Variants in PIEZO2 observed in about 807,000 individuals in gnomAD.
PIEZO2 encodes piezo-type mechanosensitive ion channel component 2.
A neutral mutation model predicts 337.3 loss-of-function variants in PIEZO2; 172 were observed. The observed-to-expected ratio is 0.51, with a 90% CI of 0.45 to 0.58. The LOEUF (loss-of-function observed/expected upper bound fraction) is 0.58. PIEZO2 is among the 20% of genes least tolerant of loss of function. The probability of loss-of-function intolerance (pLI) is 0.00; values close to 1 mark genes in which losing one functional copy is unlikely to be tolerated. For missense variants in PIEZO2, 3,028 were observed against 3,391.3 expected, an observed-to-expected ratio of 0.89 and a Z score of 2.66; for synonymous variants, 1,251 against 1,228.5, an observed-to-expected ratio of 1.02 and a Z score of -0.38.
In PIEZO2 at chr18:11,102,957, G is replaced by A. The variant is rs917095839; in HGVS notation, c.65-36735C>T. On this transcript the variant is annotated intron_variant, in intron 1 of 55. Transcript: ENST00000674853. The surrounding 1 kb of genome is among the most constrained non-coding windows in gnomAD (Gnocchi z 5.7). ...AAATCCCAGGGAAGGACTCTCACTG[G>A]TCTTCTGTGGGTCAGGTGTCTCCCC... Among the ~76,000 whole-genome samples the A allele has an allele frequency of 2.6e-5, 4 of 152,140 alleles. No homozygotes were observed. The highest frequency in any genetic ancestry group is 5.9e-5 in the Non-Finnish European group (4 of 68,040).
chr18:11,017,533 G>A (rs898500770), intron 2 of PIEZO2, among the ~76,000 whole-genome samples: 1 of 148,540 alleles, frequency 6.7e-6, no homozygotes, highest in Admixed American at 6.7e-5. Flanking sequence ...CATAATATGT[G>A]CAGGTAATAT....
At chr18:10,755,788 C>T (rs2037813410) in intron 27 of PIEZO2, among the ~76,000 whole-genome samples, 1 of 151,994 alleles carries the variant, frequency 6.6e-6, no homozygotes, top group South Asian at 2.1e-4. Flanking sequence ...CACCCCTCCT[C>T]AGTGCCCAGT....
At chr18:10,851,155 C>CT (rs10592305) in intron 7 of PIEZO2, among the ~76,000 whole-genome samples, 4,990 of 127,852 alleles carry the variant, frequency 0.039, 118 homozygotes, top group East Asian at 0.097. Flanking sequence ...TTTCTTTTAT[C>CT]TTTTTTTTTT....
chr18:11,059,636 A>C (rs1298290487), intron 2 of PIEZO2, among the ~76,000 whole-genome samples: 6 of 152,210 alleles, frequency 3.9e-5, no homozygotes, highest in Non-Finnish European at 8.8e-5. Flanking sequence ...ACTTTAAACC[A>C]ACAAAGATCA....
intron 2 of PIEZO2, among the ~76,000 whole-genome samples, chr18:10,998,036 G>C (rs1159987433): frequency 6.6e-6 from 1 of 152,100 alleles, no homozygotes; most frequent in East Asian, 1.9e-4. Flanking sequence ...ATTATGTGTA[G>C]GGAGAAAACA....
At position 10,781,148 on chromosome 18, in the gene PIEZO2, C is replaced by T. The variant is rs370470579; in HGVS notation, c.2493-782G>A. Among the ~76,000 whole-genome samples the T allele has an allele frequency of 1.3e-5, 2 of 151,758 alleles. No homozygotes were observed. The highest frequency in any genetic ancestry group is 1.5e-5 in the Non-Finnish European group (1 of 67,968). On this transcript the variant is annotated intron_variant, in intron 17 of 55. Transcript: ENST00000674853. This position sits in a 1 kb window ranked among gnomAD's most constrained non-coding sequence, Gnocchi z 4.1. ...CTATGCATAATAATACTTTCTAAAA[C>T]AAACCTGCATAAATTAAAGAGCTAT...
intron 1 of PIEZO2, among the ~76,000 whole-genome samples, chr18:11,147,867 T>C (rs1356380869): frequency 6.6e-6 from 1 of 152,262 alleles, no homozygotes; most frequent in Non-Finnish European, 1.5e-5. Flanking sequence ...CCCTGCTTTC[T>C]AACCCTTTAA....
At chr18:11,061,542 G>A (rs1598900373) in intron 2 of PIEZO2, among the ~76,000 whole-genome samples, 1 of 152,286 alleles carries the variant, frequency 6.6e-6, no homozygotes, top group South Asian at 2.1e-4. Flanking sequence ...TAAGCTGATA[G>A]GCAACTTCAG....
rs1276194379 is a variant in PIEZO2 at position 10,736,663 on chromosome 18, C to T, written c.4756G>A (p.Glu1586Lys). The change falls in exon 34 of 56, where the codon GAG becomes AAG. Residue 1586 changes from glutamate to lysine, a missense_variant. By Grantham distance (56) the Glu-to-Lys change is moderately conservative. Coordinates refer to ENST00000674853, the MANE Select transcript of PIEZO2 (RefSeq NM_001378183.1). ...TCCTTCTTTAATTCTTCCTCTTCCT[C>T]CTCTTCACTATCCGTTTCAAACAAA... ...YYLFETDSEEEEEEELKKEDE... is the reference protein window; with the variant it reads ...YYLFETDSEEKEEEELKKEDE... The T allele has an allele frequency of 7.2e-6, 11 of 1,536,940 alleles. No individual in the cohort carries two copies. Among genetic ancestry groups the T allele is most frequent in the African/African-American group, 1.4e-5 (1 of 73,032 alleles).
Position 10,781,208 on chromosome 18 carries a change from C to T in PIEZO2, c.2493-842G>A, listed in dbSNP as rs1440933652. Among the ~76,000 whole-genome samples, 3 of 152,038 alleles carry T rather than the reference C, an allele frequency of 2.0e-5. No homozygotes were observed. Among genetic ancestry groups the T allele is most frequent in the South Asian group, 2.1e-4 (1 of 4,822 alleles). ...GAATATGGCCGGGTGTGGTGGCTCA[C>T]GCCTGTAATCCCAGCACTTTGGGAA... On this transcript the variant is annotated intron_variant, in intron 17 of 55. Transcript: ENST00000674853. This position sits in a 1 kb window ranked among gnomAD's most constrained non-coding sequence, Gnocchi z 4.1.
chr18:11,082,516 A>G (rs1235098874), intron 1 of PIEZO2, among the ~76,000 whole-genome samples: 1 of 151,946 alleles, frequency 6.6e-6, no homozygotes, highest in Non-Finnish European at 1.5e-5. Flanking sequence ...ATGGGGTTTC[A>G]CCGTGTTAGC....
chr18:10,775,400 T>C lies in PIEZO2; in HGVS notation c.2535-1362A>G, dbSNP rs2038748878. On this transcript the variant is annotated intron_variant, in intron 18 of 55. Coordinates refer to ENST00000674853, the MANE Select transcript of PIEZO2 (RefSeq NM_001378183.1). The surrounding 1 kb of genome is among the most constrained non-coding windows in gnomAD (Gnocchi z 4.3). The stretch of plus-strand genomic sequence containing the variant: ...CTGCACAGTCGTCAGTATGTATTTG[T>C]TCTCTTCAGGGATGCATTTTATAAA... Among the ~76,000 whole-genome samples, 1 of 152,212 alleles carries C rather than the reference T, an allele frequency of 6.6e-6. No homozygotes were observed.
At chr18:11,039,687 A>G (rs1001060697) in intron 2 of PIEZO2, among the ~76,000 whole-genome samples, 27 of 152,054 alleles carry the variant, frequency 1.8e-4, no homozygotes, top group Admixed American at 1.6e-3. Context: ...TTGGATGATT[A>G]TATATGTCAT....
At chr18:10,839,182 C>T (rs1252486169) in intron 7 of PIEZO2, among the ~76,000 whole-genome samples, 2 of 152,182 alleles carry the variant, frequency 1.3e-5, no homozygotes, top group Non-Finnish European at 2.9e-5. Flanking sequence ...TAGTGAAACT[C>T]ACAAGTCCCA....
intron 36 of PIEZO2, among the ~76,000 whole-genome samples, chr18:10,720,772 C>T (rs569790133): frequency 6.6e-6 from 1 of 151,986 alleles, no homozygotes; most frequent in Non-Finnish European, 1.5e-5. Context: ...TCTGGTTACC[C>T]TATCTAAGGT....
At chr18:10,944,148 G>A (rs2032877724) in intron 3 of PIEZO2, among the ~76,000 whole-genome samples, 11 of 152,008 alleles carry the variant, frequency 7.2e-5, no homozygotes. Context: ...AATAAAATAA[G>A]AAATGAAAAC....
At position 10,888,337 on chromosome 18, in the gene PIEZO2, T is replaced by C. The variant is rs2042665475; in HGVS notation, c.330-16922A>G. 6.6e-6 allele frequency among the ~76,000 whole-genome samples: 1 copy of C among 152,208 alleles called. No individual in the cohort carries two copies. Among genetic ancestry groups the C allele is most frequent in the East Asian group, 1.9e-4 (1 of 5,194 alleles). ...CGCTGGCTCCTGGGAAATGTCCTTGTCATTCACTGTGCATTCTTCTACTTT... is the reference window on the plus strand; with the variant it reads ...CGCTGGCTCCTGGGAAATGTCCTTGCCATTCACTGTGCATTCTTCTACTTT... On this transcript the variant is annotated intron_variant, in intron 4 of 55. Transcript: ENST00000674853. This position sits in a 1 kb window ranked among gnomAD's most constrained non-coding sequence, Gnocchi z 4.1.
chr18:10,981,896 C>T (rs1568264353), intron 2 of PIEZO2, among the ~76,000 whole-genome samples: 1 of 152,180 alleles, frequency 6.6e-6, no homozygotes, highest in Non-Finnish European at 1.5e-5. Context: ...CCTGGACCCA[C>T]ACCAGTGGTT....
chr18:10,972,989 T>C (rs955143255), intron 3 of PIEZO2, among the ~76,000 whole-genome samples: 4 of 152,180 alleles, frequency 2.6e-5, no homozygotes, highest in African/African-American at 9.6e-5. Context: ...TGGGACTCAC[T>C]TTCCCCACCA....
Sources: allele counts gnomAD v4.1 joint callset (sites outside exome capture counted in the v4.1 genomes callset), GRCh38; gene constraint gnomAD v4.1.1; non-coding constraint Gnocchi (gnomAD v3.1); transcripts MANE v1.5; gene names NCBI Gene and HGNC (gene_info 2026-07-23, HGNC 2026-07-21).